The following TPO variants were observed in gnomAD, a reference collection of about 807,000 sequenced individuals.
The protein encoded by TPO is thyroid peroxidase, also known as thyroid microsomal antigen.
Under a neutral mutation model 96.9 loss-of-function variants are expected in TPO, and 78 were observed. The observed-to-expected ratio is 0.81, with a 90% confidence interval of 0.67 to 0.97. The LOEUF (loss-of-function observed/expected upper bound fraction) is 0.97. Ranked by LOEUF, TPO falls within the 50% of genes least tolerant of loss-of-function variation. TPO has a pLI of 0.00. For synonymous variants in TPO, 547 were observed against 538.0 expected (o/e 1.02, Z -0.23); for missense variants, 1,252 against 1,274.8 (o/e 0.98, Z 0.27).
At chr2:1,494,142 C>T in intron 11 of TPO, 103 bp downstream of exon 11, 11 of 1,143,108 alleles carry the variant, frequency 9.6e-6, no homozygotes, top group Non-Finnish European at 1.3e-5. Flanking sequence ...TCCGGCTCCA[C>T]CATTCAACTC....
chr2:1,375,218 A>C (rs1661704896), intron 1 of TPO, among the ~76,000 whole-genome samples: 1 of 151,132 alleles, frequency 6.6e-6, no homozygotes, highest in African/African-American at 2.4e-5. Context: ...AGACGATAGG[A>C]GAGATGGGCT....
intron 15 of TPO, among the ~76,000 whole-genome samples, chr2:1,531,536 A>C (rs1678247193): frequency 1.0e-5 from 1 of 98,290 alleles, no homozygotes. Context: ...AACCTCCTCA[A>C]ATCCCTCCCA....
chr2:1,497,741 C>T (rs984464935), intron 13 of TPO, among the ~76,000 whole-genome samples: 1 of 152,150 alleles, frequency 6.6e-6, no homozygotes, highest in African/African-American at 2.4e-5. Context: ...GCATCAGACT[C>T]ACAGTCTCCT....
chr2:1,424,929 C>T (rs376259422), intron 3 of TPO, among the ~76,000 whole-genome samples: 5 of 52,504 alleles, frequency 9.5e-5, no homozygotes, highest in Non-Finnish European at 1.7e-4. Context: ...TGAGTTTGAT[C>T]ATTTCATATC....
At chr2:1,534,399 C>A (rs535632639) in intron 15 of TPO, among the ~76,000 whole-genome samples, 3 of 145,188 alleles carry the variant, frequency 2.1e-5, no homozygotes, top group African/African-American at 7.7e-5. Context: ...CTGTGTGCAA[C>A]CTCCCCAAAT....
intron 1 of TPO, among the ~76,000 whole-genome samples, chr2:1,400,098 G>A (rs1662144408): frequency 6.6e-6 from 1 of 152,064 alleles, no homozygotes; most frequent in Non-Finnish European, 1.5e-5. Flanking sequence ...GTAGCTTCTT[G>A]CATTTAGAAA....
At chr2:1,472,623 C>T (rs757602516) in intron 7 of TPO, among the ~76,000 whole-genome samples, 5 of 152,014 alleles carry the variant, frequency 3.3e-5, no homozygotes, top group Non-Finnish European at 5.9e-5. Flanking sequence ...TGTGCCCTTC[C>T]GTGTTACAGC....
Position 1,496,092 on chromosome 2 carries a change from G to A in TPO, c.2110G>A (p.Val704Met). Residue 704 changes from valine (V) to methionine (M), a missense_variant, in exon 12 of 17, where the codon GTG (valine) becomes ATG (methionine). By Grantham distance (21) the Val-to-Met change is conservative (BLOSUM62 1). Transcript: ENST00000329066. The stretch of plus-strand genomic sequence containing the variant: ...CTGTGACAACACTGGCCTCACCAGG[G>A]TGCCCATGGATGCCTTCCAAGTCGG... ...VICDNTGLTRVPMDAFQVGKF... is the reference protein window; with the variant it reads ...VICDNTGLTRMPMDAFQVGKF... 1 of 1,614,066 alleles carries A rather than the reference G, an allele frequency of 6.2e-7. No individual in the cohort carries two copies. Among genetic ancestry groups the A allele is most frequent in the South Asian group, 1.1e-5 (1 of 91,052 alleles).
chr2:1,497,739 C>G (rs951808253), intron 13 of TPO, among the ~76,000 whole-genome samples: 3 of 152,166 alleles, frequency 2.0e-5, no homozygotes, highest in Non-Finnish European at 4.4e-5. Context: ...TGGCATCAGA[C>G]TCACAGTCTC....
chr2:1,535,801 TC>T (rs1679511336), intron 15 of TPO, among the ~76,000 whole-genome samples: 2 of 59,790 alleles, frequency 3.3e-5, no homozygotes, highest in Admixed American at 2.7e-4. Flanking sequence ...ACCTCCGCCA[TC>T]CCTCCCACTG....
intron 15 of TPO, among the ~76,000 whole-genome samples, chr2:1,526,647 A>T (rs1676573951): frequency 1.1e-5 from 1 of 94,656 alleles, no homozygotes; most frequent in Non-Finnish European, 2.0e-5. Flanking sequence ...CAGTGTGTGC[A>T]ACTTCCCTAA....
intron 14 of TPO, among the ~76,000 whole-genome samples, chr2:1,508,754 C>T (rs1389651255): frequency 2.6e-5 from 4 of 152,066 alleles, no homozygotes; most frequent in Admixed American, 6.6e-5. Flanking sequence ...TTTTTTGTTG[C>T]GTCTATTTGA....
chr2:1,504,248 G>C, intron 14 of TPO, among the ~76,000 whole-genome samples, 169 bp downstream of exon 14: 1 of 152,234 alleles, frequency 6.6e-6, no homozygotes, highest in East Asian at 1.9e-4. Flanking sequence ...TGTGCTGGGG[G>C]CAGAGGATGC....
At chr2:1,432,825 G>A (rs1056511314) in intron 3 of TPO, among the ~76,000 whole-genome samples, 7 of 144,508 alleles carry the variant, frequency 4.8e-5, no homozygotes, top group African/African-American at 1.8e-4. Flanking sequence ...GAGGCCTGCA[G>A]GTGAGGAGAG....
At chr2:1,541,087 T>C (rs1178039994) in intron 16 of TPO, 1 of 1,214,706 alleles carries the variant, frequency 8.2e-7, no homozygotes, top group Non-Finnish European at 1.0e-6. Context: ...GGAATAGTTA[T>C]AATCAGTGTG....
At chr2:1,422,397 C>CAGGCGCCTCT (rs1467468825) in intron 2 of TPO, among the ~76,000 whole-genome samples, 18 of 54,770 alleles carry the variant, frequency 3.3e-4, no homozygotes, top group African/African-American at 8.3e-4. Flanking sequence ...CCGCGCTGGG[C>CAGGCGCCTCT]CATGGGGAGA....
At chr2:1,384,102 C>A (rs1464160712) in intron 1 of TPO, among the ~76,000 whole-genome samples, 1 of 152,198 alleles carries the variant, frequency 6.6e-6, no homozygotes, top group Non-Finnish European at 1.5e-5. Flanking sequence ...CAGTACCATG[C>A]TGTTTTGGTT....
intron 1 of TPO, among the ~76,000 whole-genome samples, chr2:1,406,912 C>A (rs1057121697): frequency 1.3e-5 from 2 of 152,178 alleles, no homozygotes; most frequent in Admixed American, 6.5e-5. Context: ...CTGGAGGGAA[C>A]ATGAGTATGT....
intron 5 of TPO, among the ~76,000 whole-genome samples, chr2:1,448,126 G>A (rs1303867010): frequency 6.6e-6 from 1 of 152,136 alleles, no homozygotes; most frequent in Non-Finnish European, 1.5e-5. Context: ...TGGAGGCAGG[G>A]GCTGCTCCTG....
Sources: allele counts gnomAD v4.1 joint callset (sites outside exome capture counted in the v4.1 genomes callset), GRCh38; gene constraint gnomAD v4.1.1; transcripts MANE v1.5; gene names NCBI Gene and HGNC (gene_info 2026-07-23, HGNC 2026-07-21).